CALD1: variants seen among roughly 807,000 people sequenced by gnomAD.
CALD1 encodes caldesmon.
Under a neutral mutation model 99.9 loss-of-function variants are expected in CALD1, and 33 were observed. The observed-to-expected ratio is 0.33, with a 90% CI of 0.25 to 0.44. The LOEUF is 0.44. Ranked by LOEUF, CALD1 falls within the 20% of genes least tolerant of loss-of-function variation. The probability of loss-of-function intolerance (pLI) is 1.00; values close to 1 mark genes in which losing one functional copy is unlikely to be tolerated. For missense variants in CALD1, 861 were observed against 962.1 expected (o/e 0.89, Z 1.39); for synonymous variants, 310 against 325.0 (o/e 0.95, Z 0.50).
chr7:134,968,395 T>C lies in CALD1; in HGVS notation c.*50T>C. 1 of 1,565,866 alleles carries C rather than the reference T, an allele frequency of 6.4e-7. No individual in the cohort carries two copies. The highest frequency in any genetic ancestry group is 8.8e-7 in the Non-Finnish European group (1 of 1,136,184). ...TCAAGACGCAGGACGAGCTCAGTTG[T>C]AGAGGGCTAATTCGCTCTGTTTTGT... On this transcript the variant is annotated 3_prime_UTR_variant, in exon 15 of 15. Transcript: ENST00000361675.
chr7:134,727,223 T>C, the CALD1 span, among the ~76,000 whole-genome samples: 1 of 152,204 alleles, frequency 6.6e-6, no homozygotes, highest in Non-Finnish European at 1.5e-5. Flanking sequence ...ACAATAGTAA[T>C]TGACAAAGAT....
chr7:134,815,220 C>T (rs1798514617), intron 1 of CALD1, among the ~76,000 whole-genome samples: 1 of 152,196 alleles, frequency 6.6e-6, no homozygotes, highest in Non-Finnish European at 1.5e-5. Context: ...ACCCAACACA[C>T]ACTAATATGG....
At chr7:134,888,177 TTAAACAA>T (rs1215669544) in intron 3 of CALD1, among the ~76,000 whole-genome samples, 18 of 152,264 alleles carry the variant, frequency 1.2e-4, no homozygotes, top group Admixed American at 9.8e-4. Context: ...TGATGAAAAA[TTAAACAA>T]TAAAGTGTCC....
chr7:134,786,719 A>G (rs944804752), intron 1 of CALD1, among the ~76,000 whole-genome samples: 2 of 152,244 alleles, frequency 1.3e-5, no homozygotes, highest in Non-Finnish European at 2.9e-5. Context: ...GTGGTAAGAT[A>G]GTTCCAAAAC....
At chr7:134,910,936 G>C (rs1323924196) in intron 3 of CALD1, among the ~76,000 whole-genome samples, 3 of 152,186 alleles carry the variant, frequency 2.0e-5, no homozygotes, top group Non-Finnish European at 4.4e-5. Flanking sequence ...TTGCATTCTG[G>C]ACCAATGAGC....
At chr7:134,724,650 C>T in the CALD1 span, among the ~76,000 whole-genome samples, 289 of 152,354 alleles carry the variant, frequency 1.9e-3, 4 homozygotes, top group African/African-American at 6.7e-3. Flanking sequence ...GTTTGTTTGA[C>T]TCCAAGGTCC....
intron 3 of CALD1, among the ~76,000 whole-genome samples, chr7:134,927,522 G>C (rs980618483): frequency 4.2e-5 from 6 of 142,816 alleles, no homozygotes; most frequent in African/African-American, 1.6e-4. Context: ...ACTGCATTCT[G>C]GCCTGGGTGA....
chr7:134,847,664 A>G (rs1332009497), intron 2 of CALD1, among the ~76,000 whole-genome samples: 1 of 152,222 alleles, frequency 6.6e-6, no homozygotes, highest in Non-Finnish European at 1.5e-5. Context: ...ACCTTGCCCA[A>G]ATAAACGTGT....
At position 134,758,529 on chromosome 7, in the gene CALD1, TG is replaced by T. The variant is rs1310224284; in HGVS notation, c.-130+14167del. On this transcript the variant is annotated intron_variant, in intron 1 of 13. Transcript: ENST00000417172. ...GTGTGTGTGTGTGTGTGTGTGTGTG[TG>T]TGTGTGTGTTTCCAAGAACACAGCA... Among the ~76,000 whole-genome samples the T allele has an allele frequency of 5.8e-4, 81 of 139,686 alleles. 1 individual carries two copies. Among genetic ancestry groups the T allele is most frequent in the African/African-American group, 2.1e-3 (80 of 38,908 alleles). The allele number at this position is 139,686 out of a possible 152,430, so 91.6% of individuals were successfully genotyped here. A position where few individuals can be genotyped will look rare whatever the true frequency, so the allele number is the denominator to read the frequency against.
chr7:134,871,137 CTTTAA>C (rs1415585865), intron 3 of CALD1, among the ~76,000 whole-genome samples: 2 of 152,014 alleles, frequency 1.3e-5, no homozygotes, highest in Non-Finnish European at 2.9e-5. Flanking sequence ...TTGGTGGTCA[CTTTAA>C]TTTTTTTCTC....
At chr7:134,945,669 G>A (rs2133101619) in intron 7 of CALD1, among the ~76,000 whole-genome samples, 1 of 152,232 alleles carries the variant, frequency 6.6e-6, no homozygotes, top group South Asian at 2.1e-4. Context: ...CATAAAGAAT[G>A]ACATGTAAGT....
chr7:134,805,022 G>A (rs962835320), intron 1 of CALD1, among the ~76,000 whole-genome samples: 5 of 152,186 alleles, frequency 3.3e-5, no homozygotes, highest in African/African-American at 1.2e-4. Flanking sequence ...TGGTCGGGTC[G>A]GAGATGAAAT....
chr7:134,777,479 GATA>G (rs1367875157), upstream of CALD1, among the ~76,000 whole-genome samples: 1 of 152,128 alleles, frequency 6.6e-6, no homozygotes, highest in African/African-American at 2.4e-5. Context: ...GTTTCCTGTT[GATA>G]ATATTTTCCC....
At chr7:134,904,496 G>C (rs1425764613) in intron 3 of CALD1, among the ~76,000 whole-genome samples, 3 of 151,996 alleles carry the variant, frequency 2.0e-5, no homozygotes, top group African/African-American at 7.3e-5. Context: ...TGGGAGGATT[G>C]CTTGAGCTGG....
chr7:134,742,243 A>G (rs780951401), upstream of CALD1, among the ~76,000 whole-genome samples: 11 of 152,248 alleles, frequency 7.2e-5, no homozygotes, highest in Non-Finnish European at 1.5e-4. Flanking sequence ...TGTTCTTACC[A>G]TGAGATAGGC....
chr7:134,946,889 T>A (rs1371654100), intron 7 of CALD1, among the ~76,000 whole-genome samples: 1 of 151,936 alleles, frequency 6.6e-6, no homozygotes, highest in East Asian at 1.9e-4. Context: ...GGTTTCACTG[T>A]GTTGCCCAGG....
chr7:134,789,295 T>C (rs956300975), intron 1 of CALD1, among the ~76,000 whole-genome samples: 3 of 152,220 alleles, frequency 2.0e-5, no homozygotes, highest in South Asian at 2.1e-4. Flanking sequence ...AGTAAGTAGC[T>C]GGGTCAGGAT....
At chr7:134,746,677 C>CCTCAGTCTTTTTAGAGAAT (rs1796638073) in intron 1 of CALD1, among the ~76,000 whole-genome samples, 3 of 151,984 alleles carry the variant, frequency 2.0e-5, no homozygotes, top group Admixed American at 2.0e-4. Context: ...TTTTAGAGAA[C>CCTCAGTCTTTTTAGAGAAT]ACCTAAGTGG....
chr7:134,908,527 T>C (rs1803566565), intron 3 of CALD1, among the ~76,000 whole-genome samples: 1 of 152,314 alleles, frequency 6.6e-6, no homozygotes, highest in African/African-American at 2.4e-5. Context: ...TCACTCATTA[T>C]ACGTCAGTGT....
Sources: gnomAD v4.1 joint callset for allele counts (sites outside exome capture counted in the v4.1 genomes callset) on GRCh38, gnomAD v4.1.1 for gene constraint, MANE v1.5 for transcripts, NCBI Gene and HGNC (gene_info 2026-07-23, HGNC 2026-07-21) for gene names.